The following MSI2 variants were observed in gnomAD, a reference collection of about 807,000 sequenced individuals.
MSI2 encodes the protein musashi RNA binding protein 2.
A neutral mutation model predicts 45.6 loss-of-function variants in MSI2; 17 were observed. That is an observed-to-expected ratio of 0.37 (90% confidence interval 0.26 to 0.56). MSI2 has a LOEUF of 0.56. MSI2 is among the 20% of genes least tolerant of loss of function. The pLI, the probability that MSI2 is intolerant of heterozygous loss-of-function variation, is 0.77. For missense variants in MSI2, 293 were observed against 444.2 expected (o/e 0.66, Z 3.06); for synonymous variants, 156 against 158.2 (o/e 0.99, Z 0.11).
chr17:57,695,437 G>A, the MSI2 span, among the ~76,000 whole-genome samples: 4 of 152,140 alleles, frequency 2.6e-5, no homozygotes, highest in East Asian at 1.9e-4. Flanking sequence ...GGGATCCTGC[G>A]GTCACCCAGG....
At chr17:57,270,576 T>G in intron 5 of MSI2, among the ~76,000 whole-genome samples, 1 of 152,220 alleles carries the variant, frequency 6.6e-6, no homozygotes, top group East Asian at 1.9e-4. Flanking sequence ...TAAGTGCCAC[T>G]TACCAGCTAT....
intron 6 of MSI2, among the ~76,000 whole-genome samples, chr17:57,438,695 G>A (rs1375790584): frequency 6.6e-6 from 1 of 152,134 alleles, no homozygotes; most frequent in Non-Finnish European, 1.5e-5. Flanking sequence ...GGGGAAAATG[G>A]AAGTGGGTCA....
intron 7 of MSI2, among the ~76,000 whole-genome samples, chr17:57,561,443 C>T (rs373676057): frequency 1.4e-4 from 22 of 152,284 alleles, no homozygotes; most frequent in African/African-American, 4.3e-4. Context: ...CATTTCTGTG[C>T]GGTTTATTCT....
chr17:57,591,521 C>G (rs571627333), intron 7 of MSI2, among the ~76,000 whole-genome samples: 6 of 151,232 alleles, frequency 4.0e-5, no homozygotes, highest in Non-Finnish European at 7.4e-5. Flanking sequence ...CCAGGAGTTT[C>G]GAGACCAGCC....
intron 6 of MSI2, among the ~76,000 whole-genome samples, chr17:57,447,570 G>A (rs2084922616): frequency 1.3e-5 from 2 of 151,464 alleles, no homozygotes; most frequent in Admixed American, 6.6e-5. Flanking sequence ...TGGATGATAA[G>A]TATGTGGAGT....
At chr17:57,260,608 A>T (rs1385240042) in intron 4 of MSI2, among the ~76,000 whole-genome samples, 2 of 152,144 alleles carry the variant, frequency 1.3e-5, no homozygotes, top group Non-Finnish European at 2.9e-5. Context: ...GACAAGCGCT[A>T]GTCAGTGCTG....
In MSI2 at chr17:57,413,186, G is replaced by C. The variant is rs532010009; in HGVS notation, c.405+11715G>C. On this transcript the variant is annotated intron_variant, in intron 6 of 13. Transcript: ENST00000284073. Reference sequence around the variant, plus strand: ...ACACACACACACTCTCTCTCTCTCTGTCTGTCTCGTTCTCTCATTCATCTT... The same window carrying C: ...ACACACACACACTCTCTCTCTCTCTCTCTGTCTCGTTCTCTCATTCATCTT... Among the ~76,000 whole-genome samples, 36 of 152,158 alleles carry C rather than the reference G, an allele frequency of 2.4e-4. No homozygotes were observed. The East Asian group carries it at 2.5e-3, about 11-fold the overall frequency.
At chr17:57,609,187 A>G (rs913753027) in intron 8 of MSI2, among the ~76,000 whole-genome samples, 36 of 152,216 alleles carry the variant, frequency 2.4e-4, no homozygotes, top group Non-Finnish European at 3.8e-4. Context: ...TGTTGGCCTC[A>G]AACCCACCAG....
chr17:57,685,819 A>G (rs979380256), downstream of MSI2, among the ~76,000 whole-genome samples: 4 of 152,216 alleles, frequency 2.6e-5, no homozygotes, highest in Non-Finnish European at 1.5e-5. Flanking sequence ...AGCTGATGTG[A>G]GAAATCCCTT....
chr17:57,286,703 C>T (rs1055697508), intron 5 of MSI2, among the ~76,000 whole-genome samples: 1 of 152,024 alleles, frequency 6.6e-6, no homozygotes, highest in Admixed American at 6.5e-5. Flanking sequence ...ATGTATTTCC[C>T]GGCTCACTGT....
intron 5 of MSI2, among the ~76,000 whole-genome samples, chr17:57,274,067 A>G (rs1447731631): frequency 2.6e-5 from 4 of 152,202 alleles, no homozygotes; most frequent in South Asian, 2.1e-4. Context: ...GAGAGATTCA[A>G]TAGAAGAATT....
chr17:57,393,451 C>T (rs1394951846), intron 5 of MSI2, among the ~76,000 whole-genome samples: 2 of 152,174 alleles, frequency 1.3e-5, no homozygotes, highest in African/African-American at 4.8e-5. Flanking sequence ...CAGCATGTGT[C>T]AGTACCTCGT....
At chr17:57,376,482 C>T (rs1209854182) in intron 5 of MSI2, among the ~76,000 whole-genome samples, 3 of 152,202 alleles carry the variant, frequency 2.0e-5, no homozygotes, top group South Asian at 2.1e-4. Context: ...GAAGGGCACA[C>T]AGTCAAATGG....
At chr17:57,490,307 A>T (rs1327673958) in intron 6 of MSI2, among the ~76,000 whole-genome samples, 1 of 152,222 alleles carries the variant, frequency 6.6e-6, no homozygotes, top group Non-Finnish European at 1.5e-5. Flanking sequence ...TAAGTCTAAT[A>T]TGTTTAGATC....
chr17:57,272,706 A>G (rs1908483845), intron 5 of MSI2, among the ~76,000 whole-genome samples: 1 of 152,186 alleles, frequency 6.6e-6, no homozygotes, highest in African/African-American at 2.4e-5. Context: ...GGAGCTCGAG[A>G]GTACCTGGCT....
At chr17:57,453,504 C>T (rs770450746) in intron 6 of MSI2, among the ~76,000 whole-genome samples, 2 of 152,148 alleles carry the variant, frequency 1.3e-5, no homozygotes, top group Non-Finnish European at 2.9e-5. Flanking sequence ...AACAGTATCA[C>T]GGAACACTTG....
chr17:57,303,471 T>C (rs1911597258), intron 5 of MSI2, among the ~76,000 whole-genome samples: 1 of 152,224 alleles, frequency 6.6e-6, no homozygotes, highest in Non-Finnish European at 1.5e-5. Context: ...ATTGTGTTTC[T>C]GTTGTGAATA....
Position 57,677,067 on chromosome 17 carries a change from C to T in MSI2, c.*31+8C>T, listed in dbSNP as rs369216789. 6.9e-6 allele frequency: 11 copies of T among 1,603,034 alleles called. No individual in the cohort carries two copies. The African/African-American group carries it at 8.0e-5, about 12-fold the overall frequency. ...TTGCCATCTCACTCTGAGGTATTAC[C>T]GTCTCTGCCATGTGTCTCTGCCCTG... On this transcript the variant is annotated splice_region_variant and intron_variant, in intron 13 of 13. Transcript: ENST00000284073.
rs576350093 is a variant in MSI2, at chr17:57,601,983, A to T, written c.537+5033A>T. On this transcript the variant is annotated intron_variant, in intron 8 of 13. Coordinates refer to ENST00000284073, the MANE Select transcript of MSI2 (RefSeq NM_138962.4). The stretch of plus-strand genomic sequence containing the variant: ...TTCCGAACCCTCTGTTCTTCTCATT[A>T]TACCTTGCTGCCCATTTAGGCAAAC... 6 of 152,320 alleles carry T rather than the reference A, an allele frequency of 3.9e-5. No individual in the cohort carries two copies. In the East Asian group the frequency reaches 1.2e-3, roughly 29 times the overall value. The allele number at this position is 152,320 out of a possible 1,614,324, so 9.4% of individuals were successfully genotyped here. A position where few individuals can be genotyped will look rare whatever the true frequency, so the allele number is the denominator to read the frequency against.
Sources: gnomAD v4.1 joint callset for allele counts (sites outside exome capture counted in the v4.1 genomes callset) on GRCh38, gnomAD v4.1.1 for gene constraint, MANE v1.5 for transcripts, NCBI Gene and HGNC (gene_info 2026-07-23, HGNC 2026-07-21) for gene names.